ADGRE5: variants seen among roughly 807,000 people sequenced by gnomAD.
ADGRE5 encodes the protein adhesion G protein-coupled receptor E5, also known as CD97 molecule.
ADGRE5 carries 72 observed loss-of-function variants against 100.3 expected under a neutral mutation model. The ratio of observed to expected loss-of-function variants is 0.72; its 90% CI spans 0.59 to 0.87. ADGRE5 has a LOEUF of 0.87. ADGRE5 is among the 40% of genes least tolerant of loss of function. The probability of loss-of-function intolerance (pLI) is 0.00; values close to 1 mark genes in which losing one functional copy is unlikely to be tolerated. For missense variants in ADGRE5, 959 were observed against 1,094.7 expected (o/e 0.88, Z 1.75); for synonymous variants, 439 against 447.8 (o/e 0.98, Z 0.25).
Position 14,381,612 on chromosome 19 carries a change from A to C in ADGRE5, c.22+67A>C, listed in dbSNP as rs1486095888. 3.2e-5 allele frequency: 49 copies of C among 1,546,802 alleles called. 1 individual carries two copies. In the South Asian group the frequency reaches 5.7e-4, roughly 18 times the overall value. ...CAGCGGGACCCCTTGGCTGCGTCTG[A>C]GAAACGGGAGGCGCCGCTGGTGTCT... On this transcript the variant is annotated intron_variant, in intron 1 of 19. Transcript: ENST00000242786.
chr19:14,406,604 G>A lies in ADGRE5; in HGVS notation c.2048+47G>A. On this transcript the variant is annotated intron_variant, in intron 15 of 19. Transcript: ENST00000242786. This position sits in a 1 kb window ranked among gnomAD's most constrained non-coding sequence, Gnocchi z 6.0. ...AGGAGGAAGGCGGGGTGCTGGGCCT[G>A]GGGCTCACAGGCAGTGCCACACACA... 6.2e-7 allele frequency: 1 copy of A among 1,602,678 alleles called. No homozygotes were observed. The highest frequency in any genetic ancestry group is 8.5e-7 in the Non-Finnish European group (1 of 1,170,676).
chr19:14,408,030 C>T (rs748938680), intron 19 of ADGRE5, 21 bp downstream of exon 19: 80 of 1,613,908 alleles, frequency 5.0e-5, no homozygotes, highest in Admixed American at 6.7e-5. Flanking sequence ...GCGCCTGGGG[C>T]GGGTGTGGGC....
At chr19:14,387,048 A>G (rs776490144) in intron 1 of ADGRE5, among the ~76,000 whole-genome samples, 5 of 152,002 alleles carry the variant, frequency 3.3e-5, no homozygotes, top group Non-Finnish European at 7.4e-5. Context: ...TAAATAAAAG[A>G]AGAAGAAATG....
At position 14,406,858 on chromosome 19, in the gene ADGRE5, T is replaced by C; in HGVS notation, c.2116-11T>C. ...TCTCGCCCTCTAACCCACAATCTGC[T>C]CCCTGCCCAGTGCAATGCTGTCATT... On this transcript the variant is annotated splice_polypyrimidine_tract_variant and intron_variant, in intron 16 of 19. Coordinates refer to ENST00000242786, the MANE Select transcript of ADGRE5 (RefSeq NM_078481.4). The surrounding 1 kb of genome is among the most constrained non-coding windows in gnomAD (Gnocchi z 6.0). The C allele has an allele frequency of 6.2e-7, 1 of 1,613,758 alleles. No individual in the cohort carries two copies. The highest frequency in any genetic ancestry group is 1.1e-5 in the South Asian group (1 of 91,078).
At position 14,407,065 on chromosome 19, in the gene ADGRE5, C is replaced by T; in HGVS notation, c.2212C>T (p.Leu738=). The T allele has an allele frequency of 3.1e-6, 5 of 1,614,138 alleles. No homozygotes were observed. The highest frequency in any genetic ancestry group is 4.2e-6 in the Non-Finnish European group (5 of 1,180,054). The part of the protein sequence containing the change: ...DMKKLKKARA[L]TITAIAQLFL... ...CTGCAACCCCGCTCCTCGCAGGGCG[C>T]TGACCATCACGGCCATCGCGCAGCT... Residue 738 remains leucine, a synonymous_variant, in exon 18 of 20, where the codon CTG becomes TTG. Coordinates refer to ENST00000242786, the MANE Select transcript of ADGRE5 (RefSeq NM_078481.4).
At chr19:14,387,360 G>C (rs901651430) in intron 1 of ADGRE5, among the ~76,000 whole-genome samples, 1 of 152,042 alleles carries the variant, frequency 6.6e-6, no homozygotes, top group Non-Finnish European at 1.5e-5. Context: ...CTGAGGCGGG[G>C]AGGATCGCTT....
intron 6 of ADGRE5, 100 bp downstream of exon 6, chr19:14,397,323 C>G: frequency 6.4e-7 from 1 of 1,569,328 alleles, no homozygotes; most frequent in Non-Finnish European, 8.7e-7. Context: ...CTGGAGGCAC[C>G]TGGCTGTGCC....
intron 4 of ADGRE5, among the ~76,000 whole-genome samples, chr19:14,394,795 T>A (rs1456429427): frequency 6.6e-6 from 1 of 152,084 alleles, no homozygotes; most frequent in Non-Finnish European, 1.5e-5. Context: ...GGAGGGAATC[T>A]CAAGGACAGG....
chr19:14,388,456 G>T lies in ADGRE5; in HGVS notation c.29G>T (p.Cys10Phe), dbSNP rs1339445675. 1.9e-6 allele frequency: 3 copies of T among 1,599,242 alleles called. No homozygotes were observed. Among genetic ancestry groups the T allele is most frequent in the Non-Finnish European group, 2.6e-6 (3 of 1,172,102 alleles). MGGRVFLAF[C>F]VWLTLPGAET... ...TTTCCTTTCTCTGTTGCAGCATTCT[G>T]TGTCTGGCTGACTCTGCCGGGAGCT... Residue 10 changes from cysteine to phenylalanine, a missense_variant, in exon 2 of 20, where the codon TGT becomes TTT. Physicochemically the swap from Cys to Phe is radical, Grantham distance 205 (BLOSUM62 -2). This residue lies in a region of ADGRE5 where 114 missense variants were observed against 195.7 expected (regional missense o/e 0.58). Coordinates refer to ENST00000242786, the MANE Select transcript of ADGRE5 (RefSeq NM_078481.4).
At chr19:14,394,238 C>T (rs746760336) in intron 4 of ADGRE5, among the ~76,000 whole-genome samples, 1 of 152,186 alleles carries the variant, frequency 6.6e-6, no homozygotes, top group Non-Finnish European at 1.5e-5. Context: ...GAGCCAACAG[C>T]CTGCTGGTTT....
At chr19:14,395,171 C>A (rs372048160) in intron 4 of ADGRE5, among the ~76,000 whole-genome samples, 59 of 152,126 alleles carry the variant, frequency 3.9e-4, no homozygotes, top group African/African-American at 1.3e-3. Context: ...CGCAGTGGCA[C>A]GCACCTGTAA....
At chr19:14,383,818 G>A (rs1417127160) in intron 1 of ADGRE5, among the ~76,000 whole-genome samples, 1 of 151,994 alleles carries the variant, frequency 6.6e-6, no homozygotes, top group Non-Finnish European at 1.5e-5. Context: ...CTCAGCCCAT[G>A]CAGAGGGGAT....
chr19:14,407,852 G>A (rs980172763), intron 18 of ADGRE5, 56 bp from the exon 19 acceptor site: 1 of 1,420,204 alleles, frequency 7.0e-7, no homozygotes, highest in African/African-American at 1.4e-5. Flanking sequence ...GCATGGGGAG[G>A]AGCGTGCATG....
chr19:14,394,128 G>A (rs1033853770), intron 4 of ADGRE5, among the ~76,000 whole-genome samples: 1 of 152,186 alleles, frequency 6.6e-6, no homozygotes, highest in Non-Finnish European at 1.5e-5. Flanking sequence ...AAACAGGCCT[G>A]GGCTGAGAGA....
rs751555379 is a variant in ADGRE5, at chr19:14,406,753, C to T, written c.2102C>T (p.Thr701Ile). Residue 701 changes from threonine to isoleucine, a missense_variant, in exon 16 of 20, where the codon ACC (threonine) becomes ATC (isoleucine). Transcript: ENST00000242786. This position sits in a 1 kb window ranked among gnomAD's most constrained non-coding sequence, Gnocchi z 6.0. ...GFLWSFLGPV[T>I]FIILCNAVIF... Reference sequence around the variant, plus strand: ...CTCTGGAGCTTCTTGGGACCTGTGACCTTCATCATTTTGGTAAGTACCCAC... The same window carrying T: ...CTCTGGAGCTTCTTGGGACCTGTGATCTTCATCATTTTGGTAAGTACCCAC... 9 of 1,613,908 alleles carry T rather than the reference C, an allele frequency of 5.6e-6. No individual in the cohort carries two copies. In the East Asian group the frequency reaches 6.7e-5, roughly 12 times the overall value.
Position 14,407,193 on chromosome 19 carries a change from CT to C in ADGRE5, c.2342del (p.Phe781SerfsTer23). On this transcript the variant is annotated frameshift_variant, in exon 18 of 20. Coordinates refer to ENST00000242786, the MANE Select transcript of ADGRE5 (RefSeq NM_078481.4). LOFTEE classifies it high-confidence loss of function. The stretch of plus-strand genomic sequence containing the variant: ...CCATCCTCAACTGCCTGCAGGGCGC[CT>C]TCCTCTACCTGCTGCACTGCCTGCT... ...FTILNCLQGAFLYLLHCLLNK... is the reference protein window; with the variant it reads ...FTILNCLQGAXLYLLHCLLNK... 6.2e-7 allele frequency: 1 copy of C among 1,614,118 alleles called. No homozygotes were observed. Among genetic ancestry groups the C allele is most frequent in the South Asian group, 1.1e-5 (1 of 91,092 alleles).
chr19:14,381,624 C>G, intron 1 of ADGRE5, 79 bp downstream of exon 1: 1 of 1,507,322 alleles, frequency 6.6e-7, no homozygotes, highest in Non-Finnish European at 9.0e-7. Flanking sequence ...AAACGGGAGG[C>G]GCCGCTGGTG....
chr19:14,400,461 A>G (rs747014323), intron 9 of ADGRE5, among the ~76,000 whole-genome samples: 15 of 152,174 alleles, frequency 9.9e-5, no homozygotes, highest in Middle Eastern at 3.4e-3. Flanking sequence ...TTGTCTAATA[A>G]CTACACTTTA....
At position 14,405,937 on chromosome 19, in the gene ADGRE5, C is replaced by T. The variant is rs1218744508; in HGVS notation, c.1819C>T (p.Gln607Ter). ...GGCCGGCATCGAGAACGAAGGCGGCCAGGTGAGGTCCCGCCCCGCTCCCTC... is the reference window on the plus strand; with the variant it reads ...GGCCGGCATCGAGAACGAAGGCGGCTAGGTGAGGTCCCGCCCCGCTCCCTC... ...FLAGIENEGGQVGLRCRLVAG... is the reference protein window; with the variant it reads ...FLAGIENEGG Residue 607 changes from glutamine (Q) to a stop codon, truncating the protein, a stop_gained and splice_region_variant, in exon 14 of 20, where the codon CAG becomes TAG. Coordinates refer to ENST00000242786, the MANE Select transcript of ADGRE5 (RefSeq NM_078481.4). LOFTEE classifies it high-confidence loss of function. The T allele has an allele frequency of 1.2e-6, 2 of 1,605,438 alleles. No homozygotes were observed. The highest frequency in any genetic ancestry group is 3.3e-5 in the Admixed American group (2 of 59,952).
Sources: gnomAD v4.1 joint callset for allele counts (sites outside exome capture counted in the v4.1 genomes callset) on GRCh38, gnomAD v4.1.1 for gene constraint, gnomAD v4.1.1 regional missense constraint, Gnocchi (gnomAD v3.1) non-coding constraint, MANE v1.5 for transcripts, NCBI Gene and HGNC (gene_info 2026-07-23, HGNC 2026-07-21) for gene names.